The following CPSF3 variants were observed in gnomAD, a reference collection of about 807,000 sequenced individuals.
CPSF3 encodes cleavage and polyadenylation specificity factor subunit 3.
A neutral mutation model predicts 84.1 loss-of-function variants in CPSF3; 57 were observed. That is an observed-to-expected ratio of 0.68 (90% CI 0.55 to 0.85). CPSF3 has a LOEUF of 0.85. Among genes scored for constraint, CPSF3 ranks in the 40% least tolerant of loss-of-function variants. The pLI is 0.00. For missense variants in CPSF3, 522 were observed against 838.8 expected (o/e 0.62, Z 4.66); for synonymous variants, 275 against 278.1 (o/e 0.99, Z 0.11).
At chr2:9,447,360 T>G (rs979981790) in intron 10 of CPSF3, among the ~76,000 whole-genome samples, 1 of 152,022 alleles carries the variant, frequency 6.6e-6, no homozygotes, top group Non-Finnish European at 1.5e-5. Context: ...GTGCCTGTAG[T>G]CCCAGCTACG....
At chr2:9,430,951 T>A in intron 4 of CPSF3, 71 bp downstream of exon 4, 1 of 1,209,760 alleles carries the variant, frequency 8.3e-7, no homozygotes, top group Admixed American at 2.1e-5. Flanking sequence ...TATGGACCAT[T>A]TTGTGTTTTA....
In CPSF3 at chr2:9,471,251, T is replaced by C. The variant is rs984485983; in HGVS notation, c.1857-92T>C. 5 of 785,098 alleles carry C rather than the reference T, an allele frequency of 6.4e-6. No homozygotes were observed. The African/African-American group carries it at 6.9e-5, about 11-fold the overall frequency. 48.6% of individuals were successfully genotyped at this position (785,098 alleles called of 1,614,324 possible). A position where few individuals can be genotyped will look rare whatever the true frequency, so the allele number is the denominator to read the frequency against. The stretch of plus-strand genomic sequence containing the variant: ...AAAAAAAGTAAATACAGTATTCTGC[T>C]TTAGAACTAGGACCTATCTTCAGTT... On this transcript the variant is annotated intron_variant, in intron 16 of 17. Transcript: ENST00000238112.
At chr2:9,428,073 T>G (rs1455498906) in intron 1 of CPSF3, among the ~76,000 whole-genome samples, 1 of 151,642 alleles carries the variant, frequency 6.6e-6, no homozygotes, top group African/African-American at 2.4e-5. Context: ...CTCAGCTCAC[T>G]GCAAGCTCCG....
chr2:9,438,724 A>ATATTC (rs1186873277), intron 7 of CPSF3, among the ~76,000 whole-genome samples: 6 of 152,112 alleles, frequency 3.9e-5, no homozygotes, highest in Non-Finnish European at 5.9e-5. Context: ...TCGTTAGTAT[A>ATATTC]TATTCTTATA....
intron 12 of CPSF3, among the ~76,000 whole-genome samples, chr2:9,454,480 A>G (rs1487660337): frequency 6.6e-6 from 1 of 151,744 alleles, no homozygotes; most frequent in African/African-American, 2.4e-5. Context: ...CAGTTTTCAT[A>G]GCATCATAGG....
intron 17 of CPSF3, among the ~76,000 whole-genome samples, chr2:9,472,269 G>C (rs1189381815): frequency 7.0e-6 from 1 of 143,240 alleles, no homozygotes; most frequent in Non-Finnish European, 1.5e-5. Context: ...GCAGTGAGCT[G>C]AGATCACATC....
At chr2:9,436,925 T>C (rs1680804452) in intron 7 of CPSF3, among the ~76,000 whole-genome samples, 1 of 152,054 alleles carries the variant, frequency 6.6e-6, no homozygotes, top group South Asian at 2.1e-4. Flanking sequence ...GGCCAGCAGT[T>C]CCGCTTCTGG....
chr2:9,460,109 T>TC (rs1681685018), intron 15 of CPSF3, among the ~76,000 whole-genome samples: 1 of 152,166 alleles, frequency 6.6e-6, no homozygotes, highest in Admixed American at 6.5e-5. Flanking sequence ...TCCTGGCTCT[T>TC]CACTCATACT....
chr2:9,457,626 G>C (rs112395285), intron 14 of CPSF3, among the ~76,000 whole-genome samples: 14 of 152,106 alleles, frequency 9.2e-5, no homozygotes, highest in Non-Finnish European at 1.5e-4. Context: ...GTTTAAAGAA[G>C]GACTTTCAAA....
At chr2:9,424,733 G>A (rs1331366600) in intron 1 of CPSF3, 1 of 152,166 alleles carries the variant, frequency 6.6e-6, no homozygotes, top group African/African-American at 2.4e-5. Flanking sequence ...CACCACACAT[G>A]GGGATATAGA....
chr2:9,468,433 C>T (rs1224125485), intron 16 of CPSF3, among the ~76,000 whole-genome samples: 1 of 152,006 alleles, frequency 6.6e-6, no homozygotes, highest in Non-Finnish European at 1.5e-5. Context: ...CTATGTTGCC[C>T]AGGCTGGTCT....
At chr2:9,426,076 C>G (rs1047223416) in intron 1 of CPSF3, among the ~76,000 whole-genome samples, 1 of 152,146 alleles carries the variant, frequency 6.6e-6, no homozygotes, top group Non-Finnish European at 1.5e-5. Context: ...GAGTTTTGTT[C>G]ATTCAATAAG....
At chr2:9,440,040 G>A (rs754684933) in intron 7 of CPSF3, among the ~76,000 whole-genome samples, 38 of 151,984 alleles carry the variant, frequency 2.5e-4, no homozygotes, top group Non-Finnish European at 4.7e-4. Flanking sequence ...GTTCAAAATC[G>A]GTTAACTCTT....
At chr2:9,440,435 T>C in intron 7 of CPSF3, 56 bp from the exon 8 acceptor site, 1 of 1,408,234 alleles carries the variant, frequency 7.1e-7, no homozygotes, top group Non-Finnish European at 9.9e-7. Flanking sequence ...ATTTGTTATT[T>C]GAACTGTTTA....
At chr2:9,435,620 A>G (rs1167348479) in intron 6 of CPSF3, among the ~76,000 whole-genome samples, 2 of 151,814 alleles carry the variant, frequency 1.3e-5, no homozygotes, top group Non-Finnish European at 2.9e-5. Flanking sequence ...ACGGGGTTTC[A>G]TCCTGTTGGT....
At chr2:9,466,343 C>CCACAT in intron 15 of CPSF3, among the ~76,000 whole-genome samples, 1 of 58,452 alleles carries the variant, frequency 1.7e-5, no homozygotes, top group African/African-American at 7.0e-5. Flanking sequence ...CGCACACACG[C>CCACAT]GCGCGCGCGC....
chr2:9,469,554 G>A (rs1325388242), intron 16 of CPSF3, among the ~76,000 whole-genome samples: 2 of 152,162 alleles, frequency 1.3e-5, no homozygotes, highest in Admixed American at 6.5e-5. Flanking sequence ...GCCGTGGGGA[G>A]GGCAGTCTGC....
intron 15 of CPSF3, among the ~76,000 whole-genome samples, chr2:9,462,928 T>G (rs1199696797): frequency 1.3e-5 from 2 of 152,156 alleles, no homozygotes; most frequent in Non-Finnish European, 2.9e-5. Flanking sequence ...CTTCCCCATT[T>G]TGTAGTTTAT....
rs552468476 is a variant in CPSF3 at position 9,460,683 on chromosome 2, T to C, written c.1786+1065T>C. On this transcript the variant is annotated intron_variant, in intron 15 of 17. Coordinates refer to ENST00000238112, the MANE Select transcript of CPSF3 (RefSeq NM_016207.4). ...CTTTTTTTTCTTTCTTTCTTTCTTT[T>C]TTTTTTTTTTTGAGACAAAGTCTTG... is the stretch of plus-strand genomic sequence containing the variant. Among the ~76,000 whole-genome samples the C allele has an allele frequency of 2.6e-5, 4 of 151,000 alleles. No homozygotes were observed. The South Asian group carries it at 8.3e-4, about 31-fold the overall frequency.
Sources: allele counts gnomAD v4.1 joint callset (sites outside exome capture counted in the v4.1 genomes callset), GRCh38; gene constraint gnomAD v4.1.1; transcripts MANE v1.5; gene names NCBI Gene and HGNC (gene_info 2026-07-23, HGNC 2026-07-21).